The following NEGR1 variants were observed in gnomAD, a reference collection of about 807,000 sequenced individuals.
NEGR1 encodes neuronal growth regulator 1.
NEGR1 carries 10 observed loss-of-function variants against 40.9 expected under a neutral mutation model. That is an observed-to-expected ratio of 0.24 (90% CI 0.15 to 0.42). NEGR1 has a LOEUF of 0.42. Ranked by LOEUF, NEGR1 falls within the 10% of genes least tolerant of loss-of-function variation. The pLI is 1.00. For synonymous variants in NEGR1, 185 were observed against 166.8 expected, an observed-to-expected ratio of 1.11 and a Z score of -0.84; for missense variants, 352 against 438.9, an observed-to-expected ratio of 0.80 and a Z score of 1.77.
At chr1:72,064,825 A>C (rs1647235353) in intron 1 of NEGR1, among the ~76,000 whole-genome samples, 1 of 152,070 alleles carries the variant, frequency 6.6e-6, no homozygotes, top group African/African-American at 2.4e-5. Flanking sequence ...AAACCTTGAG[A>C]TAGAGGAAGT....
chr1:71,450,221 C>T (rs1270733070), intron 6 of NEGR1, among the ~76,000 whole-genome samples: 2 of 151,720 alleles, frequency 1.3e-5, no homozygotes, highest in African/African-American at 4.8e-5. Context: ...AAACTCCTGA[C>T]CTCTTGATCC....
chr1:71,533,492 C>T (rs1395089498), intron 6 of NEGR1, among the ~76,000 whole-genome samples: 1 of 151,568 alleles, frequency 6.6e-6, no homozygotes, highest in Non-Finnish European at 1.5e-5. Context: ...AATATACACA[C>T]ACATGCACAT....
chr1:71,475,718 C>T (rs892176683), intron 6 of NEGR1, among the ~76,000 whole-genome samples: 5 of 151,872 alleles, frequency 3.3e-5, no homozygotes, highest in African/African-American at 1.2e-4. Context: ...TAGGAAAAAA[C>T]ATTATTCTTT....
chr1:71,958,352 C>G (rs1208620116), intron 1 of NEGR1, among the ~76,000 whole-genome samples: 1 of 151,998 alleles, frequency 6.6e-6, no homozygotes, highest in Non-Finnish European at 1.5e-5. Context: ...GTTAACTTAA[C>G]CAGACATTTG....
At chr1:71,703,932 C>T (rs887439070) in intron 3 of NEGR1, among the ~76,000 whole-genome samples, 10 of 151,012 alleles carry the variant, frequency 6.6e-5, no homozygotes, top group Non-Finnish European at 5.9e-5. Flanking sequence ...AATAAAAAAG[C>T]AAATATAAGA....
chr1:72,160,541 A>T (rs11209927), intron 1 of NEGR1, among the ~76,000 whole-genome samples: 6,956 of 152,212 alleles, frequency 0.046, 524 homozygotes, highest in African/African-American at 0.16. Flanking sequence ...AAGGAGCAGC[A>T]GAAATAAGTC....
chr1:71,652,645 C>T (rs113538537), intron 4 of NEGR1, among the ~76,000 whole-genome samples: 6 of 152,104 alleles, frequency 3.9e-5, no homozygotes, highest in Non-Finnish European at 8.8e-5. Context: ...GCCGGTGGAT[C>T]GCTTGAGCCC....
intron 3 of NEGR1, among the ~76,000 whole-genome samples, chr1:71,731,806 A>C (rs188041936): frequency 6.6e-6 from 1 of 152,276 alleles, no homozygotes; most frequent in Admixed American, 6.5e-5. Flanking sequence ...CACTGATATA[A>C]AACTGTCAAG....
intron 1 of NEGR1, among the ~76,000 whole-genome samples, chr1:72,078,408 G>T (rs954381305): frequency 6.6e-6 from 1 of 151,914 alleles, no homozygotes; most frequent in Non-Finnish European, 1.5e-5. Context: ...CTTTTGAAAA[G>T]CACATGCACA....
At chr1:71,756,925 A>G (rs1397019087) in intron 3 of NEGR1, among the ~76,000 whole-genome samples, 1 of 152,240 alleles carries the variant, frequency 6.6e-6, no homozygotes, top group East Asian at 1.9e-4. Context: ...CCATAATTCT[A>G]TATATTTTGA....
intron 1 of NEGR1, among the ~76,000 whole-genome samples, chr1:72,261,399 T>C (rs932687208): frequency 1.3e-5 from 2 of 152,098 alleles, no homozygotes; most frequent in African/African-American, 4.8e-5. Context: ...CAAACTTCAT[T>C]ATGCAGAACA....
At position 71,776,169 on chromosome 1, in the gene NEGR1, T is replaced by C. The variant is rs1656500717; in HGVS notation, c.535+3A>G. ...AAACAACACTAATGCATTCCTACTT[T>C]ACCTGATGGGGAGATGTGTCGCCAA... On this transcript the variant is annotated splice_donor_region_variant and intron_variant, in intron 3 of 6. Coordinates refer to ENST00000357731, the MANE Select transcript of NEGR1 (RefSeq NM_173808.3). 2.5e-6 allele frequency: 4 copies of C among 1,608,430 alleles called. No homozygotes were observed. Among genetic ancestry groups the C allele is most frequent in the Admixed American group, 1.7e-5 (1 of 59,440 alleles).
rs149135313 is a variant in NEGR1, at chr1:71,577,692, G to A, written c.940+15125C>T. 4.7e-3 allele frequency among the ~76,000 whole-genome samples: 715 copies of A among 152,164 alleles called. 5 individuals carry two copies. The highest frequency in any genetic ancestry group is 0.016 in the African/African-American group (648 of 41,516). On this transcript the variant is annotated intron_variant, in intron 6 of 6. Transcript: ENST00000357731. ...TCAGACCAATTTCTAGTCTGAAAGCGTCCTCTGTCTAAGCTTGTCTCTTTG... is the reference window on the plus strand; with the variant it reads ...TCAGACCAATTTCTAGTCTGAAAGCATCCTCTGTCTAAGCTTGTCTCTTTG...
In NEGR1 at chr1:71,698,047, A is replaced by T. The variant is rs975978821; in HGVS notation, c.628T>A (p.Ser210Thr). 6 of 1,611,432 alleles carry T rather than the reference A, an allele frequency of 3.7e-6. No individual in the cohort carries two copies. The highest frequency in any genetic ancestry group is 5.1e-6 in the Non-Finnish European group (6 of 1,178,232). The change falls in exon 4 of 7, where the codon TCA (serine) becomes ACA (threonine). Residue 210 changes from serine (S) to threonine (T), a missense_variant. Physicochemically the swap from Ser to Thr is moderately conservative, Grantham distance 58 (BLOSUM62 1). Coordinates refer to ENST00000357731, the MANE Select transcript of NEGR1 (RefSeq NM_173808.3). The part of the protein sequence containing the change: ...EYECSAENDV[S>T]FPDVRKVKVV... ...TTTACTTTCCTCACATCTGGGAATG[A>T]CACATCATTTTCCGCACTGCATTCA...
Position 71,404,360 on chromosome 1 carries a change from A to T in NEGR1, c.*3086T>A, listed in dbSNP as rs1002616921. The stretch of plus-strand genomic sequence containing the variant: ...ACACCCACATTACTATAACTTGGGC[A>T]GTACTTTTTATTATATAATTGCTGC... On this transcript the variant is annotated 3_prime_UTR_variant, in exon 7 of 7. Coordinates refer to ENST00000357731, the MANE Select transcript of NEGR1 (RefSeq NM_173808.3). 2.6e-5 allele frequency: 4 copies of T among 152,132 alleles called. No homozygotes were observed. The highest frequency in any genetic ancestry group is 9.7e-5 in the African/African-American group (4 of 41,408). 9.4% of individuals were successfully genotyped at this position (152,132 alleles called of 1,614,324 possible).
intron 1 of NEGR1, among the ~76,000 whole-genome samples, chr1:72,279,670 T>G (rs1656177893): frequency 6.6e-6 from 1 of 152,152 alleles, no homozygotes; most frequent in African/African-American, 2.4e-5. Flanking sequence ...AAAATATAAC[T>G]GTAACATTAC....
chr1:71,744,502 G>A (rs974718999), intron 3 of NEGR1, among the ~76,000 whole-genome samples: 1 of 151,772 alleles, frequency 6.6e-6, no homozygotes, highest in African/African-American at 2.4e-5. Flanking sequence ...GACTTTCATG[G>A]AGCCAATAAA....
rs139120507 is a variant in NEGR1 at position 71,863,222 on chromosome 1, G to C, written c.409+71857C>G. ...CCAAATGCCCATCAATGATAGACTGGATAAAGAAAATTTGGTACATATACA... is the reference window on the plus strand; with the variant it reads ...CCAAATGCCCATCAATGATAGACTGCATAAAGAAAATTTGGTACATATACA... On this transcript the variant is annotated intron_variant, in intron 2 of 6. Transcript: ENST00000357731. Among the ~76,000 whole-genome samples, 602 of 152,226 alleles carry C rather than the reference G, an allele frequency of 4.0e-3. 2 individuals are homozygous for C. The highest frequency in any genetic ancestry group is 6.4e-3 in the Non-Finnish European group (436 of 68,026).
chr1:71,614,170 AT>A (rs1360592835), intron 4 of NEGR1, among the ~76,000 whole-genome samples: 3 of 152,050 alleles, frequency 2.0e-5, no homozygotes, highest in East Asian at 3.8e-4. Context: ...GGTGAAAAAA[AT>A]GAAATAATAT....
Sources: gnomAD v4.1 joint callset for allele counts (sites outside exome capture counted in the v4.1 genomes callset) on GRCh38, gnomAD v4.1.1 for gene constraint, MANE v1.5 for transcripts, NCBI Gene and HGNC (gene_info 2026-07-23, HGNC 2026-07-21) for gene names.